Variants in ERBIN observed in about 807,000 individuals in gnomAD.
ERBIN encodes the protein densin-180-like protein.
Under a neutral mutation model 158.4 loss-of-function variants are expected in ERBIN, and 60 were observed. The observed-to-expected ratio is 0.38, with a 90% confidence interval of 0.31 to 0.47. ERBIN has a LOEUF of 0.47. Ranked by LOEUF, ERBIN falls within the 20% of genes least tolerant of loss-of-function variation. The pLI, the probability that ERBIN is intolerant of heterozygous loss-of-function variation, is 0.99. For synonymous variants in ERBIN, 594 were observed against 557.2 expected (o/e 1.07, Z -0.93); for missense variants, 1,610 against 1,648.0 (o/e 0.98, Z 0.40).
At chr5:66,064,767 G>A (rs993715776) in intron 21 of ERBIN, among the ~76,000 whole-genome samples, 3 of 152,068 alleles carry the variant, frequency 2.0e-5, no homozygotes, top group Non-Finnish European at 4.4e-5. Context: ...AAAACACTTG[G>A]GTTAAAATTG....
chr5:66,044,836 G>A (rs1758264718), intron 17 of ERBIN, among the ~76,000 whole-genome samples: 1 of 152,002 alleles, frequency 6.6e-6, no homozygotes, highest in South Asian at 2.1e-4. Context: ...CAGCACTTTG[G>A]GAGGCCGAGG....
chr5:66,045,687 C>T (rs1176315942), intron 17 of ERBIN, among the ~76,000 whole-genome samples: 1 of 152,166 alleles, frequency 6.6e-6, no homozygotes, highest in African/African-American at 2.4e-5. Context: ...TCCATAATTA[C>T]TATCATTACC....
chr5:66,025,402 G>T, intron 10 of ERBIN, 78 bp from the exon 11 acceptor site: 1 of 1,020,154 alleles, frequency 9.8e-7, no homozygotes, highest in Non-Finnish European at 1.5e-6. Context: ...GTCAGATGTA[G>T]TATGTCTCAC....
chr5:65,972,432 A>G (rs1206136350), intron 1 of ERBIN, among the ~76,000 whole-genome samples: 2 of 151,406 alleles, frequency 1.3e-5, no homozygotes, highest in Admixed American at 6.6e-5. Context: ...TTCAACATGC[A>G]TAAAGTACTT....
rs1377098104 is a variant in ERBIN at position 66,038,254 on chromosome 5, G to C, written c.1207-129G>C. 5.9e-6 allele frequency: 3 copies of C among 507,624 alleles called. No individual in the cohort carries two copies. In the African/African-American group the frequency reaches 5.9e-5, roughly 10 times the overall value. 31.4% of individuals were successfully genotyped at this position (507,624 alleles called of 1,614,324 possible). A position where few individuals can be genotyped will look rare whatever the true frequency, so the allele number is the denominator to read the frequency against. On this transcript the variant is annotated intron_variant, in intron 14 of 25. Coordinates refer to ENST00000284037, the MANE Select transcript of ERBIN (RefSeq NM_001253697.2). ...AATGCCTAAAGTGTTATTGTGTATA[G>C]TTAGATTTGTTTGTAACCTGCACAT...
At chr5:66,021,583 A>G (rs1474727951) in intron 8 of ERBIN, among the ~76,000 whole-genome samples, 198 bp downstream of exon 8, 1 of 152,082 alleles carries the variant, frequency 6.6e-6, no homozygotes, top group Non-Finnish European at 1.5e-5. Flanking sequence ...ACCACAAGTG[A>G]GCATAAAATG....
chr5:65,948,060 G>GT (rs1208716882), intron 1 of ERBIN, among the ~76,000 whole-genome samples: 1 of 151,108 alleles, frequency 6.6e-6, no homozygotes, highest in Non-Finnish European at 1.5e-5. Flanking sequence ...CATTGTTTAT[G>GT]TAAGAGCTAT....
chr5:66,055,437 ATTC>A (rs1759492699), intron 21 of ERBIN, among the ~76,000 whole-genome samples: 1 of 152,290 alleles, frequency 6.6e-6, no homozygotes, highest in Middle Eastern at 3.4e-3. Context: ...CATGGCATTT[ATTC>A]TTAACTTTTC....
intron 1 of ERBIN, among the ~76,000 whole-genome samples, chr5:65,971,502 G>A (rs1749240840): frequency 6.6e-6 from 1 of 152,136 alleles, no homozygotes; most frequent in Non-Finnish European, 1.5e-5. Context: ...CTCCTTGGAT[G>A]AAAGTAACCA....
Position 66,068,100 on chromosome 5 carries a change from A to G in ERBIN, c.3634-4069A>G, listed in dbSNP as rs1260738806. Among the ~76,000 whole-genome samples, 3 of 152,054 alleles carry G rather than the reference A, an allele frequency of 2.0e-5. No individual in the cohort carries two copies. In the East Asian group the frequency reaches 5.8e-4, roughly 29 times the overall value. ...CCCAGCAGTTTAGGGGGCTGAGGCA[A>G]AAGGATTGCTTGAAGGAAGGAGTTT... On this transcript the variant is annotated intron_variant, in intron 21 of 25. Transcript: ENST00000284037.
intron 1 of ERBIN, among the ~76,000 whole-genome samples, chr5:65,970,760 A>T (rs1364288567): frequency 6.6e-6 from 1 of 151,676 alleles, no homozygotes; most frequent in Non-Finnish European, 1.5e-5. Context: ...GGCTAATTTT[A>T]TTTTTATTTT....
intron 1 of ERBIN, among the ~76,000 whole-genome samples, chr5:65,963,792 CTTTTTTTTTT>C (rs5868429): frequency 8.1e-6 from 1 of 122,978 alleles, no homozygotes; most frequent in African/African-American, 2.9e-5. Flanking sequence ...TCTTTCTTTT[CTTTTTTTTTT>C]TTTTTGAGAT....
At position 66,028,323 on chromosome 5, in the gene ERBIN, A is replaced by G. The variant is rs199814799; in HGVS notation, c.1186A>G (p.Met396Val). 1.1e-5 allele frequency: 18 copies of G among 1,612,748 alleles called. No homozygotes were observed. In the East Asian group the frequency reaches 2.5e-4, roughly 22 times the overall value. ...SFTKLQQLTA[M>V]WLSDNQSKPL... ...TACAAAGCTACAGCAATTGACAGCT[A>G]TGTGGCTCTCAGATAATCAGGTGGG... The change falls in exon 14 of 26, where the codon ATG becomes GTG. Residue 396 changes from methionine to valine, a missense_variant. Met to Val is a conservative substitution (Grantham distance 21, BLOSUM62 1). This residue lies in a region of ERBIN where 596 missense variants were observed against 711.9 expected (regional missense o/e 0.84). Coordinates refer to ENST00000284037, the MANE Select transcript of ERBIN (RefSeq NM_001253697.2).
intron 10 of ERBIN, 118 bp from the exon 11 acceptor site, chr5:66,025,361 AC>A: frequency 1.3e-6 from 1 of 763,262 alleles, no homozygotes; most frequent in Non-Finnish European, 2.3e-6. Flanking sequence ...TCTTTTAGAT[AC>A]GTTTGTTAGG....
intron 1 of ERBIN, among the ~76,000 whole-genome samples, chr5:65,954,635 T>C (rs1172730597): frequency 2.0e-5 from 3 of 152,190 alleles, no homozygotes; most frequent in South Asian, 2.1e-4. Context: ...ATAGCACTTA[T>C]CTTGATAAAT....
chr5:66,015,269 G>A (rs1415828094), intron 7 of ERBIN, among the ~76,000 whole-genome samples: 2 of 152,170 alleles, frequency 1.3e-5, no homozygotes, highest in Non-Finnish European at 2.9e-5. Flanking sequence ...ACTGTAGTCT[G>A]TGGCCTTTTA....
chr5:66,062,486 A>G (rs1760514898), intron 21 of ERBIN, among the ~76,000 whole-genome samples: 3 of 151,934 alleles, frequency 2.0e-5, no homozygotes, highest in African/African-American at 7.3e-5. Context: ...CATTGGTTTG[A>G]ACTTCCTCCT....
At chr5:65,959,420 C>A (rs1747670067) in intron 1 of ERBIN, among the ~76,000 whole-genome samples, 1 of 151,904 alleles carries the variant, frequency 6.6e-6, no homozygotes. Context: ...TGATAGTGTC[C>A]TTTGTCATAT....
intron 21 of ERBIN, among the ~76,000 whole-genome samples, chr5:66,063,751 T>A (rs981721135): frequency 2.0e-5 from 3 of 152,350 alleles, no homozygotes; most frequent in Middle Eastern, 3.4e-3. Context: ...TTGTAAAAAT[T>A]TGTTTTAAAT....
Sources: gnomAD v4.1 joint callset for allele counts (sites outside exome capture counted in the v4.1 genomes callset) on GRCh38, gnomAD v4.1.1 for gene constraint, gnomAD v4.1.1 regional missense constraint, MANE v1.5 for transcripts, NCBI Gene and HGNC (gene_info 2026-07-23, HGNC 2026-07-21) for gene names.